Variants in AJAP1 observed in about 807,000 individuals in gnomAD.
AJAP1 encodes adherens junctions associated protein 1, also known as adherens junction-associated protein 1.
Under a neutral mutation model 35.0 loss-of-function variants are expected in AJAP1, and 5 were observed. The observed-to-expected ratio is 0.14, with a 90% CI of 0.07 to 0.30. The LOEUF is 0.30. Ranked by LOEUF, AJAP1 falls within the 10% of genes least tolerant of loss-of-function variation. AJAP1 has a pLI of 1.00. For missense variants in AJAP1, 586 were observed against 571.0 expected (o/e 1.03, Z -0.27); for synonymous variants, 284 against 249.3 (o/e 1.14, Z -1.31).
At chr1:4,715,728 T>G (rs1640374347) in intron 2 of AJAP1, among the ~76,000 whole-genome samples, 2 of 151,748 alleles carry the variant, frequency 1.3e-5, no homozygotes, top group Admixed American at 1.3e-4. Flanking sequence ...GCTGTGAGAG[T>G]TTAGTGGATG....
In AJAP1 at chr1:4,788,791, G is replaced by A. The variant is rs1383597435; in HGVS notation, c.*6306G>A. On this transcript the variant is annotated 3_prime_UTR_variant, in exon 6 of 6. Transcript: ENST00000378191. ...AGTGACCCAAGTGATGTTAGTCTTA[G>A]GGTCCCTAAGGCAGTAGGGCATGGG... is the stretch of plus-strand genomic sequence containing the variant. 6.6e-6 allele frequency: 1 copy of A among 152,194 alleles called. No individual in the cohort carries two copies. Among genetic ancestry groups the A allele is most frequent in the Non-Finnish European group, 1.5e-5 (1 of 68,086 alleles). 9.4% of individuals were successfully genotyped at this position (152,194 alleles called of 1,614,324 possible).
At chr1:4,704,602 T>C (rs1395632417) in intron 1 of AJAP1, among the ~76,000 whole-genome samples, 2 of 152,162 alleles carry the variant, frequency 1.3e-5, no homozygotes, top group Non-Finnish European at 2.9e-5. Context: ...TTGTGAATAG[T>C]GCCACAATAA....
At chr1:4,672,007 C>T (rs1030391395) in intron 1 of AJAP1, among the ~76,000 whole-genome samples, 6 of 152,196 alleles carry the variant, frequency 3.9e-5, no homozygotes, top group Admixed American at 3.3e-4. Context: ...CCCACCATCC[C>T]GGGGCGCCTA....
chr1:4,742,543 G>C (rs779847716), intron 2 of AJAP1, among the ~76,000 whole-genome samples: 1 of 152,118 alleles, frequency 6.6e-6, no homozygotes, highest in Non-Finnish European at 1.5e-5. Context: ...GGGAATCAGG[G>C]TTGGGGGCTC....
At position 4,783,337 on chromosome 1, in the gene AJAP1, G is replaced by C. The variant is rs1642101847; in HGVS notation, c.*852G>C. ...GTATTCCATCACCATTCACCCCAGGGGACAGCCTCGACCGAGACAAGGAGG... is the reference window on the plus strand; with the variant it reads ...GTATTCCATCACCATTCACCCCAGGCGACAGCCTCGACCGAGACAAGGAGG... On this transcript the variant is annotated 3_prime_UTR_variant, in exon 6 of 6. Transcript: ENST00000378191. The C allele has an allele frequency of 6.6e-6, 1 of 151,566 alleles. No homozygotes were observed. 9.4% of individuals were successfully genotyped at this position (151,566 alleles called of 1,614,324 possible).
intron 2 of AJAP1, among the ~76,000 whole-genome samples, chr1:4,767,601 A>T (rs924513928): frequency 6.1e-5 from 9 of 148,422 alleles, no homozygotes; most frequent in African/African-American, 2.2e-4. Flanking sequence ...CATCACCATT[A>T]TCATCATCAC....
At chr1:4,742,021 AGGAATGAT>A (rs760918982) in intron 2 of AJAP1, among the ~76,000 whole-genome samples, 6 of 152,244 alleles carry the variant, frequency 3.9e-5, no homozygotes, top group Non-Finnish European at 7.3e-5. Flanking sequence ...TGCACGTGAA[AGGAATGAT>A]GGAATTAGAA....
In AJAP1 at chr1:4,772,440, T is replaced by C. The variant is rs997490706; in HGVS notation, c.1078T>C (p.Cys360Arg). 1.2e-6 allele frequency: 2 copies of C among 1,614,162 alleles called. No individual in the cohort carries two copies. The highest frequency in any genetic ancestry group is 1.7e-6 in the Non-Finnish European group (2 of 1,180,034). ...CGAGACCCTGCAGTGTTCTCACGAG[T>C]GCGTCAGGGCATCTGTGCCCGTGTA... Reference protein sequence around the residue: ...YNETLQCSHECVRASVPVYTD... With the variant: ...YNETLQCSHERVRASVPVYTD... The change falls in exon 4 of 6, where the codon TGC becomes CGC. Residue 360 changes from cysteine to arginine, a missense_variant. Transcript: ENST00000378191.
chr1:4,698,583 C>T (rs1639918445), intron 1 of AJAP1, among the ~76,000 whole-genome samples: 1 of 152,152 alleles, frequency 6.6e-6, no homozygotes, highest in South Asian at 2.1e-4. Flanking sequence ...AGGTCATTGG[C>T]CCTCTCCCAC....
chr1:4,772,963 G>T (rs1641870324), intron 4 of AJAP1, among the ~76,000 whole-genome samples: 1 of 152,076 alleles, frequency 6.6e-6, no homozygotes, highest in Non-Finnish European at 1.5e-5. Flanking sequence ...AAAAATATCA[G>T]ATACCCACCA....
chr1:4,715,656 G>C (rs1459416503), intron 2 of AJAP1, among the ~76,000 whole-genome samples: 3 of 152,166 alleles, frequency 2.0e-5, no homozygotes, highest in Non-Finnish European at 4.4e-5. Flanking sequence ...TTGCACTCCA[G>C]CCTGGGCAAT....
chr1:4,693,450 C>T lies in AJAP1; in HGVS notation c.30-18450C>T, dbSNP rs555162446. ...GTAGGGCTTCTGGGCTAAGACTGAGCGTCCAAGCCTTCCTTGGAGGCACCA... is the reference window on the plus strand; with the variant it reads ...GTAGGGCTTCTGGGCTAAGACTGAGTGTCCAAGCCTTCCTTGGAGGCACCA... On this transcript the variant is annotated intron_variant, in intron 1 of 5. Coordinates refer to ENST00000378191, the MANE Select transcript of AJAP1 (RefSeq NM_018836.4). This position sits in a 1 kb window ranked among gnomAD's most constrained non-coding sequence, Gnocchi z 4.4. 3.9e-5 allele frequency among the ~76,000 whole-genome samples: 6 copies of T among 152,244 alleles called. No homozygotes were observed. Among genetic ancestry groups the T allele is most frequent in the South Asian group, 2.1e-4 (1 of 4,816 alleles).
In AJAP1 at chr1:4,788,272, C is replaced by G. The variant is rs1022999233; in HGVS notation, c.*5787C>G. On this transcript the variant is annotated 3_prime_UTR_variant, in exon 6 of 6. Transcript: ENST00000378191. ...CTTCCAAAGAGCATGAAGCATGGCT[C>G]TGTGTGGTTTTGTGTGTCTAGGTTT... 6.4e-5 allele frequency: 10 copies of G among 155,986 alleles called. No homozygotes were observed. The highest frequency in any genetic ancestry group is 2.2e-4 in the African/African-American group (9 of 41,460). The allele number at this position is 155,986 out of a possible 1,614,324, so 9.7% of individuals were successfully genotyped here.
intron 2 of AJAP1, among the ~76,000 whole-genome samples, chr1:4,750,046 GTGTT>G (rs937033412): frequency 1.3e-5 from 2 of 152,066 alleles, no homozygotes; most frequent in Non-Finnish European, 2.9e-5. Context: ...GTGTGTGTGT[GTGTT>G]TGTATCTATA....
intron 2 of AJAP1, among the ~76,000 whole-genome samples, chr1:4,736,769 C>G (rs1359555377): frequency 1.3e-5 from 2 of 152,184 alleles, no homozygotes; most frequent in Non-Finnish European, 2.9e-5. Context: ...GCTCAAACCC[C>G]TAGTTATCCC....
At position 4,684,737 on chromosome 1, in the gene AJAP1, G is replaced by A. The variant is rs150932102; in HGVS notation, c.30-27163G>A. Among the ~76,000 whole-genome samples, 1,234 of 152,222 alleles carry A rather than the reference G, an allele frequency of 8.1e-3. 19 individuals are homozygous for A. Among genetic ancestry groups the A allele is most frequent in the African/African-American group, 0.028 (1,178 of 41,524 alleles). On this transcript the variant is annotated intron_variant, in intron 1 of 5. Coordinates refer to ENST00000378191, the MANE Select transcript of AJAP1 (RefSeq NM_018836.4). ...GGCACAAAGGTATCACTGTCTGGGCGCTGCTGGTAAAGGCAGAGCAGATCT... is the reference window on the plus strand; with the variant it reads ...GGCACAAAGGTATCACTGTCTGGGCACTGCTGGTAAAGGCAGAGCAGATCT...
At chr1:4,705,399 T>TC (rs1640080307) in intron 1 of AJAP1, among the ~76,000 whole-genome samples, 2 of 55,492 alleles carry the variant, frequency 3.6e-5, no homozygotes, top group African/African-American at 1.3e-4. Context: ...GAAGAGCTTT[T>TC]TTTTTTTTTT....
intron 2 of AJAP1, among the ~76,000 whole-genome samples, chr1:4,760,338 T>C (rs1276334675): frequency 6.6e-6 from 1 of 151,528 alleles, no homozygotes; most frequent in Non-Finnish European, 1.5e-5. Context: ...CGTGTGTGAG[T>C]CTGTGTGTGT....
rs375660473 is a variant in AJAP1 at position 4,723,781 on chromosome 1, C to T, written c.829+11082C>T. On this transcript the variant is annotated intron_variant, in intron 2 of 5. Transcript: ENST00000378191. The surrounding 1 kb of genome is among the most constrained non-coding windows in gnomAD (Gnocchi z 4.3). The stretch of plus-strand genomic sequence containing the variant: ...GACGAGGATTTTGGTTGTTCTGTTT[C>T]GTTTTGATTTTTTTTTTTATCGTGG... Among the ~76,000 whole-genome samples the T allele has an allele frequency of 6.6e-6, 1 of 151,594 alleles. No individual in the cohort carries two copies. The highest frequency in any genetic ancestry group is 1.5e-5 in the Non-Finnish European group (1 of 67,974).
Sources: allele counts gnomAD v4.1 joint callset (sites outside exome capture counted in the v4.1 genomes callset), GRCh38; gene constraint gnomAD v4.1.1; non-coding constraint Gnocchi (gnomAD v3.1); transcripts MANE v1.5; gene names NCBI Gene and HGNC (gene_info 2026-07-23, HGNC 2026-07-21).